The following SLC44A2 variants were observed in gnomAD, a reference collection of about 807,000 sequenced individuals.
SLC44A2 encodes choline transporter-like protein 2.
A neutral mutation model predicts 90.8 loss-of-function variants in SLC44A2; 57 were observed. The ratio of observed to expected loss-of-function variants is 0.63; its 90% CI spans 0.51 to 0.78. The LOEUF is 0.78. SLC44A2 is among the 30% of genes least tolerant of loss of function. SLC44A2 has a pLI of 0.00. For missense variants in SLC44A2, 794 were observed against 919.7 expected, an observed-to-expected ratio of 0.86 and a Z score of 1.77; for synonymous variants, 355 against 360.7, an observed-to-expected ratio of 0.98 and a Z score of 0.18.
At position 10,635,153 on chromosome 19, in the gene SLC44A2, T is replaced by C. The variant is rs1403475913; in HGVS notation, c.1056-10T>C. 6.2e-7 allele frequency: 1 copy of C among 1,613,962 alleles called. No individual in the cohort carries two copies. The highest frequency in any genetic ancestry group is 8.5e-7 in the Non-Finnish European group (1 of 1,179,972). On this transcript the variant is annotated splice_polypyrimidine_tract_variant and intron_variant, in intron 12 of 21. Coordinates refer to ENST00000335757, the MANE Select transcript of SLC44A2 (RefSeq NM_020428.4). ...TTTGCCCTGACGCCTGTGTCTCTGC[T>C]CTTCCCTAGGGCTGTGGGATACGTC... is the stretch of plus-strand genomic sequence containing the variant.
At chr19:10,615,490 C>T (rs1318476246) in intron 1 of SLC44A2, among the ~76,000 whole-genome samples, 1 of 151,766 alleles carries the variant, frequency 6.6e-6, no homozygotes, top group African/African-American at 2.4e-5. Context: ...ACAAGAGTCG[C>T]TTAAACCCGG....
intron 4 of SLC44A2, among the ~76,000 whole-genome samples, chr19:10,628,517 A>C (rs1391756716): frequency 6.6e-6 from 1 of 152,112 alleles, no homozygotes; most frequent in Non-Finnish European, 1.5e-5. Flanking sequence ...GTACCATTGC[A>C]CTCCAGCCTG....
At chr19:10,610,096 G>A (rs1409220967) in intron 1 of SLC44A2, among the ~76,000 whole-genome samples, 1 of 151,592 alleles carries the variant, frequency 6.6e-6, no homozygotes, top group Admixed American at 6.6e-5. Context: ...GTGAGCCACC[G>A]AGCCTGGCTA....
At chr19:10,631,585 A>T in intron 7 of SLC44A2, 41 bp from the exon 8 acceptor site, 2 of 1,614,024 alleles carry the variant, frequency 1.2e-6, no homozygotes, top group Non-Finnish European at 1.7e-6. Context: ...GAGGCTCTGC[A>T]GAGGCTCAGC....
At chr19:10,621,422 G>GTTTTTTTTTTTT (rs34643212), upstream of SLC44A2, among the ~76,000 whole-genome samples, 1 of 89,438 alleles carries the variant, frequency 1.1e-5, no homozygotes, top group Non-Finnish European at 2.0e-5. Flanking sequence ...ATGGTTGGGT[G>GTTTTTTTTTTTT]TTTTTTTTTT....
At position 10,638,070 on chromosome 19, in the gene SLC44A2, A is replaced by AC; in HGVS notation, c.1817_1818insC (p.Lys606AsnfsTer7). The AC allele has an allele frequency of 1.2e-6, 2 of 1,613,488 alleles. No individual in the cohort carries two copies. The highest frequency in any genetic ancestry group is 1.7e-6 in the Non-Finnish European group (2 of 1,179,884). ...ACTGACTTCCTCTTCCTGTTGGGCA[A>AC]ACTTCTGATCGTTGGTAGTGTGGGT... On this transcript the variant is annotated frameshift_variant, in exon 19 of 22. Coordinates refer to ENST00000335757, the MANE Select transcript of SLC44A2 (RefSeq NM_020428.4). LOFTEE classifies it high-confidence loss of function.
At chr19:10,627,817 C>G (rs1395190158) in intron 3 of SLC44A2, 22 bp downstream of exon 3, 6 of 1,613,798 alleles carry the variant, frequency 3.7e-6, no homozygotes, top group Non-Finnish European at 5.1e-6. Flanking sequence ...ATGAGCAGGA[C>G]TTGGAGTTGC....
intron 14 of SLC44A2, chr19:10,635,820 C>G: frequency 3.5e-6 from 1 of 285,892 alleles, no homozygotes; most frequent in South Asian, 3.9e-5. Context: ...TGCTCTGTCA[C>G]CAGGCTGGAG....
intron 1 of SLC44A2, among the ~76,000 whole-genome samples, chr19:10,617,056 A>G (rs1465866104): frequency 2.0e-5 from 3 of 151,868 alleles, no homozygotes; most frequent in South Asian, 2.1e-4. Context: ...TTAGTAGCTG[A>G]GACTACAGGC....
At chr19:10,605,978 A>C (rs374176822) in intron 1 of SLC44A2, among the ~76,000 whole-genome samples, 11 of 151,856 alleles carry the variant, frequency 7.2e-5, no homozygotes, top group East Asian at 5.8e-4. Context: ...TGGGCTATGG[A>C]GCGAGACTCC....
At chr19:10,607,134 C>T (rs961437686) in intron 1 of SLC44A2, among the ~76,000 whole-genome samples, 19 of 152,078 alleles carry the variant, frequency 1.2e-4, no homozygotes, top group East Asian at 5.8e-4. Flanking sequence ...AGGATGGTCT[C>T]GATCTCCTGA....
chr19:10,641,118 C>A (rs978177811), intron 20 of SLC44A2: 5 of 400,694 alleles, frequency 1.2e-5, no homozygotes, highest in African/African-American at 2.2e-5. Flanking sequence ...CTCAGCCAGA[C>A]GCAGGGGCCC....
At chr19:10,628,111 G>C (rs1031163140) in intron 4 of SLC44A2, 107 bp downstream of exon 4, 190 of 1,047,418 alleles carry the variant, frequency 1.8e-4, no homozygotes, top group Admixed American at 8.8e-4. Context: ...TAGGCTGGGC[G>C]CGGTGACTCA....
chr19:10,602,473 C>A (rs1050562022), upstream of SLC44A2: 64 of 1,159,074 alleles, frequency 5.5e-5, no homozygotes, highest in African/African-American at 9.3e-4. Flanking sequence ...CGGAGCCTCC[C>A]GCCCGCCCGG....
intron 10 of SLC44A2, among the ~76,000 whole-genome samples, chr19:10,633,008 C>T (rs868622477): frequency 6.6e-6 from 1 of 151,882 alleles, no homozygotes; most frequent in African/African-American, 2.4e-5. Flanking sequence ...GAGGGTAATT[C>T]ATATTTCTAG....
In SLC44A2 at chr19:10,638,028, C is replaced by G; in HGVS notation, c.1775C>G (p.Ala592Gly). The change falls in exon 19 of 22, where the codon GCT (alanine) becomes GGT (glycine). Residue 592 changes from alanine (A) to glycine (G), a missense_variant. Physicochemically the swap from Ala to Gly is moderately conservative, Grantham distance 60 (BLOSUM62 0). Around this residue, in one of 3 missense-constraint regions of SLC44A2, gnomAD observed 738 missense variants for 841.1 expected, o/e 0.88. Coordinates refer to ENST00000335757, the MANE Select transcript of SLC44A2 (RefSeq NM_020428.4). Reference protein sequence around the residue: ...FLLMRNIIRVAVLDKVTDFLF... With the variant: ...FLLMRNIIRVGVLDKVTDFLF... ...CCCCTCACTGTCCCCTGCAGAGTGG[C>G]TGTCCTGGATAAAGTTACTGACTTC... The G allele has an allele frequency of 3.1e-6, 5 of 1,614,086 alleles. No individual in the cohort carries two copies. The highest frequency in any genetic ancestry group is 4.2e-6 in the Non-Finnish European group (5 of 1,179,992).
chr19:10,628,043 AG>A, intron 4 of SLC44A2, 39 bp downstream of exon 4: 1 of 1,542,374 alleles, frequency 6.5e-7, no homozygotes, highest in Non-Finnish European at 8.9e-7. Context: ...GCTGGGGAAG[AG>A]GGGGCAGAAG....
intron 20 of SLC44A2, among the ~76,000 whole-genome samples, chr19:10,640,653 C>T (rs2067105611): frequency 1.3e-5 from 2 of 152,120 alleles, no homozygotes; most frequent in African/African-American, 4.8e-5. Flanking sequence ...TGTGAGTCTC[C>T]AGATTGCTAG....
chr19:10,607,855 C>G (rs1278962708), intron 1 of SLC44A2, among the ~76,000 whole-genome samples: 1 of 150,492 alleles, frequency 6.6e-6, no homozygotes, highest in Non-Finnish European at 1.5e-5. Context: ...ATGCCATTCT[C>G]CTGCCTCAGC....
Sources: allele counts gnomAD v4.1 joint callset (sites outside exome capture counted in the v4.1 genomes callset), GRCh38; gene constraint gnomAD v4.1.1; regional missense constraint gnomAD v4.1.1; transcripts MANE v1.5; gene names NCBI Gene and HGNC (gene_info 2026-07-23, HGNC 2026-07-21).